COL6A6: variants seen among roughly 807,000 people sequenced by gnomAD.
The protein encoded by COL6A6 is collagen alpha-6(VI) chain.
Under a neutral mutation model 208.6 loss-of-function variants are expected in COL6A6, and 183 were observed. That is an observed-to-expected ratio of 0.88 (90% CI 0.78 to 0.99). The LOEUF (loss-of-function observed/expected upper bound fraction) is 0.99. Ranked by LOEUF, COL6A6 falls within the 50% of genes least tolerant of loss-of-function variation. The pLI, the probability that COL6A6 is intolerant of heterozygous loss-of-function variation, is 0.00. For missense variants in COL6A6, 2,816 were observed against 2,815.2 expected (o/e 1.00, Z -0.01); for synonymous variants, 973 against 1,011.8 (o/e 0.96, Z 0.73).
chr3:130,665,322 G>T (rs925106770), intron 36 of COL6A6, among the ~76,000 whole-genome samples: 2 of 151,978 alleles, frequency 1.3e-5, no homozygotes, highest in Non-Finnish European at 2.9e-5. Context: ...AAAGCTAAGT[G>T]TTGAAATAAA....
intron 25 of COL6A6, among the ~76,000 whole-genome samples, chr3:130,627,082 T>C (rs1454055241): frequency 1.3e-5 from 2 of 152,190 alleles, no homozygotes; most frequent in East Asian, 1.9e-4. Context: ...GTAGGTATAA[T>C]TATTATTCCC....
Position 130,649,230 on chromosome 3 carries a change from G to A in COL6A6, c.5401G>A (p.Ala1801Thr), listed in dbSNP as rs759987613. The A allele has an allele frequency of 1.3e-6, 2 of 1,591,168 alleles. No individual in the cohort carries two copies. The highest frequency in any genetic ancestry group is 1.8e-5 in the Admixed American group (1 of 56,286). Residue 1801 changes from alanine (A) to threonine (T), a missense_variant, in exon 33 of 37, where the codon GCC becomes ACC. Coordinates refer to ENST00000358511, the MANE Select transcript of COL6A6 (RefSeq NM_001102608.3). ...ENSCPVGAHI[A>T]ILSYNSHARH... is the part of the protein sequence containing the mutation. ...CAGCTGCCCCGTGGGAGCGCACATC[G>A]CCATCCTCTCCTATAACTCCCACGC...
At chr3:130,541,365 A>AC (rs1288751370) in intron 1 of COL6A6, among the ~76,000 whole-genome samples, 1 of 152,176 alleles carries the variant, frequency 6.6e-6, no homozygotes, top group Non-Finnish European at 1.5e-5. Flanking sequence ...GTCTGGATGG[A>AC]CCAGTGATTC....
intron 8 of COL6A6, among the ~76,000 whole-genome samples, chr3:130,577,063 T>A (rs925598209): frequency 9.2e-5 from 14 of 152,328 alleles, no homozygotes; most frequent in Non-Finnish European, 1.6e-4. Context: ...GTCAGACGCA[T>A]GGAGGTATGA....
At chr3:130,601,824 G>C (rs533135132) in intron 20 of COL6A6, among the ~76,000 whole-genome samples, 1 of 152,328 alleles carries the variant, frequency 6.6e-6, no homozygotes, top group Admixed American at 6.5e-5. Flanking sequence ...ACAGCTTCAA[G>C]CTGCAAGTAA....
rs565903030 is a variant in COL6A6, at chr3:130,640,738, T to C, written c.5092-914T>C. ...TGCACGTGAAAATATTTCTGACATC[T>C]AGTAAGCAGATAACAACTGTTTTTG... On this transcript the variant is annotated intron_variant, in intron 28 of 36. Transcript: ENST00000358511. Among the ~76,000 whole-genome samples, 50 of 152,364 alleles carry C rather than the reference T, an allele frequency of 3.3e-4. No homozygotes were observed. In the South Asian group the frequency reaches 5.0e-3, roughly 15 times the overall value.
intron 1 of COL6A6, among the ~76,000 whole-genome samples, chr3:130,549,277 C>T (rs1336773455): frequency 6.6e-6 from 1 of 152,160 alleles, no homozygotes; most frequent in Non-Finnish European, 1.5e-5. Context: ...ACAAGTACTT[C>T]TTCCACCTCA....
rs1420202639 is a variant in COL6A6, at chr3:130,651,845, T to C, written c.5733+2283T>C. Among the ~76,000 whole-genome samples, 4 of 152,174 alleles carry C rather than the reference T, an allele frequency of 2.6e-5. No individual in the cohort carries two copies. The East Asian group carries it at 7.7e-4, about 29-fold the overall frequency. On this transcript the variant is annotated intron_variant, in intron 33 of 36. Transcript: ENST00000358511. ...ACAATTCCACTCACCCACTCAAAGGTGTGTGTACAACATTTAACTTCTGAA... is the reference window on the plus strand; with the variant it reads ...ACAATTCCACTCACCCACTCAAAGGCGTGTGTACAACATTTAACTTCTGAA...
At chr3:130,553,059 A>G (rs2062683907) in intron 1 of COL6A6, among the ~76,000 whole-genome samples, 1 of 151,942 alleles carries the variant, frequency 6.6e-6, no homozygotes, top group South Asian at 2.1e-4. Flanking sequence ...GCCCCTTTTC[A>G]CTAGCTGCCT....
At chr3:130,547,145 G>A (rs958754770) in intron 1 of COL6A6, among the ~76,000 whole-genome samples, 10 of 152,264 alleles carry the variant, frequency 6.6e-5, no homozygotes, top group African/African-American at 1.9e-4. Flanking sequence ...TTTGGGCCAC[G>A]AGGCAGCCGA....
chr3:130,621,940 G>A lies in COL6A6; in HGVS notation c.4878+57G>A, dbSNP rs114125654. ...GAGGTTTTCTGCTCAAGAGAACTGTGTCTAATTGTATTAGCCAGGGCCCTT... is the reference window on the plus strand; with the variant it reads ...GAGGTTTTCTGCTCAAGAGAACTGTATCTAATTGTATTAGCCAGGGCCCTT... On this transcript the variant is annotated intron_variant, in intron 24 of 36. Transcript: ENST00000358511. 1,406 of 1,438,854 alleles carry A rather than the reference G, an allele frequency of 9.8e-4. 9 individuals carry two copies. The African/African-American group carries it at 0.017, about 17-fold the overall frequency. The allele number at this position is 1,438,854 out of a possible 1,614,324, so 89.1% of individuals were successfully genotyped here. A position where few individuals can be genotyped will look rare whatever the true frequency, so the allele number is the denominator to read the frequency against.
intron 29 of COL6A6, among the ~76,000 whole-genome samples, chr3:130,642,082 A>G (rs1351517062): frequency 6.6e-6 from 1 of 152,104 alleles, no homozygotes; most frequent in Non-Finnish European, 1.5e-5. Flanking sequence ...TTCACATGGA[A>G]CTTATTTGCT....
At chr3:130,580,005 A>G (rs1019649294) in intron 8 of COL6A6, among the ~76,000 whole-genome samples, 3 of 152,240 alleles carry the variant, frequency 2.0e-5, no homozygotes, top group South Asian at 2.1e-4. Flanking sequence ...ACGTTCAGCA[A>G]TCTAGACAAA....
At chr3:130,525,230 G>A (rs1351265599) in intron 1 of COL6A6, among the ~76,000 whole-genome samples, 2 of 151,800 alleles carry the variant, frequency 1.3e-5, no homozygotes, top group Non-Finnish European at 2.9e-5. Flanking sequence ...TGCTTCAAAA[G>A]CCTAGAAACT....
intron 8 of COL6A6, among the ~76,000 whole-genome samples, chr3:130,575,191 C>G (rs557254855): frequency 1.4e-4 from 22 of 152,146 alleles, no homozygotes; most frequent in Non-Finnish European, 2.8e-4. Flanking sequence ...GCTCTGAAGA[C>G]AGACAGCCTG....
At chr3:130,649,982 C>T (rs1025278823) in intron 33 of COL6A6, among the ~76,000 whole-genome samples, 1 of 152,154 alleles carries the variant, frequency 6.6e-6, no homozygotes, top group East Asian at 1.9e-4. Flanking sequence ...ATACATGTCA[C>T]TTAGGGTAGT....
chr3:130,556,183 G>A (rs1267210997), intron 1 of COL6A6, among the ~76,000 whole-genome samples: 2 of 152,178 alleles, frequency 1.3e-5, no homozygotes, highest in Non-Finnish European at 2.9e-5. Flanking sequence ...ATGGCCTACC[G>A]TTCCATCCAT....
In COL6A6 at chr3:130,661,920, CAGA is replaced by C; in HGVS notation, c.6117_6119del (p.Arg2039del). On this transcript the variant is annotated inframe_deletion, in exon 35 of 37. Transcript: ENST00000358511. Reference sequence around the variant, plus strand: ...GAGCTGAGTTCAATCTTACCACCTACAGAAGTAAGCGCCTCATGAAGAGGCATG... The same window carrying C: ...GAGCTGAGTTCAATCTTACCACCTACAGTAAGCGCCTCATGAAGAGGCATG... 3 of 1,613,976 alleles carry C rather than the reference CAGA, an allele frequency of 1.9e-6. No homozygotes were observed. Among genetic ancestry groups the C allele is most frequent in the Non-Finnish European group, 2.5e-6 (3 of 1,179,886 alleles).
intron 24 of COL6A6, among the ~76,000 whole-genome samples, chr3:130,622,654 G>A (rs372395819): frequency 1.2e-4 from 18 of 151,776 alleles, no homozygotes; most frequent in East Asian, 9.8e-4. Context: ...TCAGGAGATC[G>A]AGACCATCCT....
Sources: gnomAD v4.1 joint callset for allele counts (sites outside exome capture counted in the v4.1 genomes callset) on GRCh38, gnomAD v4.1.1 for gene constraint, MANE v1.5 for transcripts, NCBI Gene and HGNC (gene_info 2026-07-23, HGNC 2026-07-21) for gene names.